PPARGC1A: variants seen among roughly 807,000 people sequenced by gnomAD.
PPARGC1A encodes PPARG coactivator 1 alpha, also known as peroxisome proliferator-activated receptor gamma coactivator 1-alpha.
PPARGC1A carries 25 observed loss-of-function variants against 88.7 expected under a neutral mutation model. That is an observed-to-expected ratio of 0.28 (90% CI 0.21 to 0.39). The LOEUF (loss-of-function observed/expected upper bound fraction) is 0.39, where lower values mean the gene tolerates loss of function less well. PPARGC1A is among the 10% of genes least tolerant of loss of function. The probability of loss-of-function intolerance (pLI) is 1.00; values close to 1 mark genes in which losing one functional copy is unlikely to be tolerated. For missense variants in PPARGC1A, 880 were observed against 968.7 expected, an observed-to-expected ratio of 0.91 and a Z score of 1.22; for synonymous variants, 363 against 355.6, an observed-to-expected ratio of 1.02 and a Z score of -0.24.
chr4:24,402,300 C>A, the PPARGC1A span, among the ~76,000 whole-genome samples: 2 of 152,148 alleles, frequency 1.3e-5, no homozygotes, highest in Non-Finnish European at 2.9e-5. Flanking sequence ...GTCTCCCCAG[C>A]GACAGGAAAG....
chr4:24,111,646 A>G, the PPARGC1A span, among the ~76,000 whole-genome samples: 1 of 152,250 alleles, frequency 6.6e-6, no homozygotes, highest in African/African-American at 2.4e-5. Context: ...TAACAGCAGT[A>G]GTAACAGCCG....
the PPARGC1A span, among the ~76,000 whole-genome samples, chr4:24,346,460 T>G: frequency 6.6e-6 from 1 of 152,122 alleles, no homozygotes; most frequent in Non-Finnish European, 1.5e-5. Flanking sequence ...TCTCGCTGCT[T>G]GTTTTTGGTC....
the PPARGC1A span, among the ~76,000 whole-genome samples, chr4:24,313,818 A>T: frequency 6.6e-6 from 1 of 152,210 alleles, no homozygotes; most frequent in South Asian, 2.1e-4. Context: ...AAACCATAGG[A>T]GAAATTACAA....
chr4:24,155,246 C>T, the PPARGC1A span, among the ~76,000 whole-genome samples: 3 of 151,536 alleles, frequency 2.0e-5, no homozygotes, highest in Non-Finnish European at 4.4e-5. Flanking sequence ...TGCTTAAGAT[C>T]TTAAGGTGCA....
the PPARGC1A span, among the ~76,000 whole-genome samples, chr4:24,471,705 G>A: frequency 1.3e-5 from 2 of 152,148 alleles, no homozygotes; most frequent in African/African-American, 2.4e-5. This position sits in a 1 kb window ranked among gnomAD's most constrained non-coding sequence, Gnocchi z 5.4. Flanking sequence ...GGCGTGGAGC[G>A]TCTAGGGCAC....
At chr4:24,243,647 G>A in the PPARGC1A span, among the ~76,000 whole-genome samples, 1 of 152,188 alleles carries the variant, frequency 6.6e-6, no homozygotes, top group African/African-American at 2.4e-5. Flanking sequence ...TAGCAGACTT[G>A]AGAGGCTCTG....
intron 5 of PPARGC1A, 49 bp downstream of exon 5, chr4:23,828,351 C>T (rs549121842): frequency 2.5e-5 from 39 of 1,546,420 alleles, no homozygotes; most frequent in Non-Finnish European, 3.4e-5. Flanking sequence ...CATGTGCTTT[C>T]TTTGCTTCCA....
the PPARGC1A span, among the ~76,000 whole-genome samples, chr4:24,307,491 G>A: frequency 6.6e-6 from 1 of 152,154 alleles, no homozygotes; most frequent in African/African-American, 2.4e-5. Flanking sequence ...ATTGTGTTGA[G>A]CACTCTTGGG....
chr4:24,264,988 A>T, the PPARGC1A span, among the ~76,000 whole-genome samples: 1 of 152,176 alleles, frequency 6.6e-6, no homozygotes, highest in Admixed American at 6.5e-5. Flanking sequence ...AATGCACATC[A>T]CATATCTCCA....
the PPARGC1A span, among the ~76,000 whole-genome samples, chr4:24,135,836 C>G: frequency 2.6e-5 from 4 of 152,058 alleles, no homozygotes. Context: ...AATATATACT[C>G]TGGGGGGGTC....
At chr4:23,918,894 C>G in the PPARGC1A span, among the ~76,000 whole-genome samples, 1 of 152,166 alleles carries the variant, frequency 6.6e-6, no homozygotes, top group Non-Finnish European at 1.5e-5. Flanking sequence ...CAATTCCTAT[C>G]CTATACATTT....
chr4:23,912,467 G>T, the PPARGC1A span, among the ~76,000 whole-genome samples: 1 of 152,160 alleles, frequency 6.6e-6, no homozygotes, highest in Non-Finnish European at 1.5e-5. Flanking sequence ...GTGCTCAATT[G>T]TCTAATAAAG....
At chr4:24,096,706 G>A in the PPARGC1A span, among the ~76,000 whole-genome samples, 1 of 152,228 alleles carries the variant, frequency 6.6e-6, no homozygotes, top group African/African-American at 2.4e-5. Flanking sequence ...GGTACCATAT[G>A]AAATTTAATG....
At position 23,795,316 on chromosome 4, in the gene PPARGC1A, TATATATATA is replaced by T. The variant is rs1560303733; in HGVS notation, c.*497_*505del. 1.7e-4 allele frequency: 24 copies of T among 138,964 alleles called. No individual in the cohort carries two copies. Among genetic ancestry groups the T allele is most frequent in the South Asian group, 2.3e-4 (1 of 4,382 alleles). The allele number at this position is 138,964 out of a possible 1,614,324, so 8.6% of individuals were successfully genotyped here. On this transcript the variant is annotated 3_prime_UTR_variant, in exon 13 of 13. Coordinates refer to ENST00000264867, the MANE Select transcript of PPARGC1A (RefSeq NM_013261.5). ...TTATATATATATATATATATATATA[TATATATATA>T]TATATTTCCTTTTGAATAGAATACG... is the stretch of plus-strand genomic sequence containing the variant.
chr4:23,960,090 G>A, the PPARGC1A span, among the ~76,000 whole-genome samples: 1 of 152,132 alleles, frequency 6.6e-6, no homozygotes, highest in Non-Finnish European at 1.5e-5. Flanking sequence ...CAACAATCTA[G>A]GCTAACCTTT....
chr4:24,314,841 G>C, the PPARGC1A span, among the ~76,000 whole-genome samples: 1 of 152,066 alleles, frequency 6.6e-6, no homozygotes, highest in Non-Finnish European at 1.5e-5. Context: ...TGGAAGCCCA[G>C]AGTAGTGCCA....
chr4:24,288,474 C>T, the PPARGC1A span, among the ~76,000 whole-genome samples: 1 of 152,192 alleles, frequency 6.6e-6, no homozygotes, highest in Admixed American at 6.5e-5. Flanking sequence ...CCAGGAATAA[C>T]TATGGAGTTC....
At chr4:24,455,747 C>G in the PPARGC1A span, among the ~76,000 whole-genome samples, 2 of 152,224 alleles carry the variant, frequency 1.3e-5, no homozygotes, top group African/African-American at 4.8e-5. Flanking sequence ...TCCTCTTGCC[C>G]TCTTGCTCTC....
the PPARGC1A span, among the ~76,000 whole-genome samples, chr4:24,086,775 A>G: frequency 8.5e-5 from 13 of 152,200 alleles, no homozygotes; most frequent in Admixed American, 5.9e-4. Context: ...TGTGCATTTG[A>G]TGGGTCACCA....
Sources: gnomAD v4.1 joint callset for allele counts (sites outside exome capture counted in the v4.1 genomes callset) on GRCh38, gnomAD v4.1.1 for gene constraint, Gnocchi (gnomAD v3.1) non-coding constraint, MANE v1.5 for transcripts, NCBI Gene and HGNC (gene_info 2026-07-23, HGNC 2026-07-21) for gene names.